Variants in C2orf66 observed in about 807,000 individuals in gnomAD.
The protein encoded by C2orf66 is chromosome 2 open reading frame 66.
In C2orf66, 6 loss-of-function variants were observed where a neutral mutation model predicts 7.0. The ratio of observed to expected loss-of-function variants is 0.86; its 90% confidence interval spans 0.47 to 1.69. The LOEUF is 1.69. Ranked by LOEUF, C2orf66 falls within the 40% of genes most tolerant of loss-of-function variation. The probability of loss-of-function intolerance (pLI) is 0.01; values close to 1 mark genes in which losing one functional copy is unlikely to be tolerated. For missense variants in C2orf66, 107 were observed against 112.0 expected, an observed-to-expected ratio of 0.96 and a Z score of 0.20; for synonymous variants, 38 against 43.8, an observed-to-expected ratio of 0.87 and a Z score of 0.52.
the C2orf66 span, among the ~76,000 whole-genome samples, chr2:196,817,565 A>AACAGAAAAC: frequency 1.3e-5 from 2 of 151,490 alleles, no homozygotes; most frequent in African/African-American, 4.8e-5. Context: ...CATCTTAAAC[A>AACAGAAAAC]ACAGAAAACA....
chr2:196,820,977 C>G, the C2orf66 span, among the ~76,000 whole-genome samples: 69 of 152,184 alleles, frequency 4.5e-4, no homozygotes, highest in Non-Finnish European at 8.1e-4. Context: ...ATGAGACTAT[C>G]CTGATTTATC....
chr2:196,831,276 G>C, the C2orf66 span, among the ~76,000 whole-genome samples: 2 of 152,058 alleles, frequency 1.3e-5, no homozygotes, highest in African/African-American at 4.8e-5. Flanking sequence ...CCCCTTACTG[G>C]AGGTTTCTTG....
chr2:196,808,153 T>C (rs1699836812), intron 1 of C2orf66, among the ~76,000 whole-genome samples: 1 of 152,238 alleles, frequency 6.6e-6, no homozygotes, highest in Admixed American at 6.5e-5. Context: ...AAGGGCAGGC[T>C]GGTTGTGGTA....
the C2orf66 span, among the ~76,000 whole-genome samples, chr2:196,824,586 C>G: frequency 6.6e-6 from 1 of 152,138 alleles, no homozygotes; most frequent in Non-Finnish European, 1.5e-5. Flanking sequence ...AAATTTAAAA[C>G]TGTAAGGTCC....
chr2:196,820,814 C>G, the C2orf66 span, among the ~76,000 whole-genome samples: 6 of 152,096 alleles, frequency 3.9e-5, no homozygotes, highest in Non-Finnish European at 5.9e-5. Flanking sequence ...TTTGGGCTTC[C>G]TAAGATCTAT....
At chr2:196,815,648 T>G in the C2orf66 span, among the ~76,000 whole-genome samples, 1 of 152,184 alleles carries the variant, frequency 6.6e-6, no homozygotes, top group Admixed American at 6.5e-5. Flanking sequence ...ACCACACACA[T>G]GAAAGAAATC....
At chr2:196,828,547 AAT>A in the C2orf66 span, among the ~76,000 whole-genome samples, 2 of 152,140 alleles carry the variant, frequency 1.3e-5, no homozygotes, top group Non-Finnish European at 1.5e-5. Flanking sequence ...AAATTCTGTG[AAT>A]ATGATTGTTT....
chr2:196,823,291 T>C, the C2orf66 span, among the ~76,000 whole-genome samples: 1 of 152,184 alleles, frequency 6.6e-6, no homozygotes, highest in Admixed American at 6.5e-5. Context: ...TTAATAGAAA[T>C]TTGGAAACTA....
the C2orf66 span, among the ~76,000 whole-genome samples, chr2:196,826,503 G>A: frequency 2.0e-5 from 3 of 152,042 alleles, no homozygotes; most frequent in Admixed American, 6.6e-5. Flanking sequence ...GTAACAAAAG[G>A]TTTTTACATT....
rs145019857 is a variant in C2orf66, at chr2:196,808,372, G to C, written c.124-750C>G. 1.1e-3 allele frequency among the ~76,000 whole-genome samples: 164 copies of C among 152,314 alleles called. No individual in the cohort carries two copies. In the East Asian group the frequency reaches 0.019, roughly 18 times the overall value. On this transcript the variant is annotated intron_variant, in intron 1 of 2. Transcript: ENST00000342506. ...TGGTAACTTTTGGGTCATTGCCATG[G>C]AAAGGAGTGGTAGCTTCCAGGTAAT...
At chr2:196,829,902 AAAAC>A in the C2orf66 span, among the ~76,000 whole-genome samples, 207 of 152,254 alleles carry the variant, frequency 1.4e-3, no homozygotes, top group East Asian at 0.019. Flanking sequence ...ATCTCAAAAC[AAAAC>A]AAACAAAACA....
the C2orf66 span, among the ~76,000 whole-genome samples, chr2:196,820,525 G>A: frequency 3.3e-5 from 5 of 152,164 alleles, no homozygotes; most frequent in Non-Finnish European, 7.3e-5. Context: ...CTATGTGTCA[G>A]GGCCTCTGCT....
chr2:196,816,693 A>C, the C2orf66 span, among the ~76,000 whole-genome samples: 3 of 152,158 alleles, frequency 2.0e-5, no homozygotes, highest in Non-Finnish European at 4.4e-5. Context: ...CCCGAATCTA[A>C]AATAAAAGTT....
At chr2:196,819,489 AT>A in the C2orf66 span, among the ~76,000 whole-genome samples, 1 of 152,192 alleles carries the variant, frequency 6.6e-6, no homozygotes, top group East Asian at 1.9e-4. Context: ...CTGATCTTAG[AT>A]TTCCAGTCTC....
the C2orf66 span, among the ~76,000 whole-genome samples, chr2:196,818,319 G>T: frequency 1.3e-5 from 2 of 152,158 alleles, no homozygotes; most frequent in Non-Finnish European, 2.9e-5. Flanking sequence ...GCCAAGCAAG[G>T]TTGCCATGCT....
At chr2:196,822,130 G>T in the C2orf66 span, among the ~76,000 whole-genome samples, 3 of 151,454 alleles carry the variant, frequency 2.0e-5, no homozygotes, top group East Asian at 5.8e-4. Context: ...GGCCAGGATG[G>T]TCTCGATCTC....
At chr2:196,821,928 CTTTTTT>C in the C2orf66 span, among the ~76,000 whole-genome samples, 111 of 32,208 alleles carry the variant, frequency 3.4e-3, no homozygotes, top group Non-Finnish European at 5.5e-3. Context: ...AACCAGTGAG[CTTTTTT>C]TTTTTTTTTT....
At chr2:196,819,411 T>C in the C2orf66 span, among the ~76,000 whole-genome samples, 1 of 152,128 alleles carries the variant, frequency 6.6e-6, no homozygotes. Flanking sequence ...CACGTAAGGA[T>C]ACAGGGAGAA....
chr2:196,808,667 C>T (rs1699840704), intron 1 of C2orf66, among the ~76,000 whole-genome samples: 1 of 152,150 alleles, frequency 6.6e-6, no homozygotes, highest in Non-Finnish European at 1.5e-5. Flanking sequence ...GTCATGTCAA[C>T]ATGTTTATTG....
Sources: gnomAD v4.1 joint callset for allele counts (sites outside exome capture counted in the v4.1 genomes callset) on GRCh38, gnomAD v4.1.1 for gene constraint, MANE v1.5 for transcripts, NCBI Gene and HGNC (gene_info 2026-07-23, HGNC 2026-07-21) for gene names.